The following CPSF6 variants were observed in gnomAD, a reference collection of about 807,000 sequenced individuals.
CPSF6 encodes the protein cleavage and polyadenylation specificity factor subunit 6.
A neutral mutation model predicts 56.7 loss-of-function variants in CPSF6; 10 were observed. The observed-to-expected ratio is 0.18, with a 90% CI of 0.11 to 0.30. The LOEUF (loss-of-function observed/expected upper bound fraction) is 0.30. Ranked by LOEUF, CPSF6 falls within the 10% of genes least tolerant of loss-of-function variation. The probability of loss-of-function intolerance (pLI) is 1.00; values close to 1 mark genes in which losing one functional copy is unlikely to be tolerated. For missense variants in CPSF6, 419 were observed against 722.9 expected, an observed-to-expected ratio of 0.58 and a Z score of 4.82; for synonymous variants, 248 against 244.8, an observed-to-expected ratio of 1.01 and a Z score of -0.12.
chr12:69,256,882 T>A, intron 4 of CPSF6, 40 bp downstream of exon 4: 1 of 1,535,908 alleles, frequency 6.5e-7, no homozygotes, highest in East Asian at 2.3e-5. Context: ...ATATGTACAT[T>A]TTAACCAGTG....
chr12:69,259,295 C>A, intron 6 of CPSF6, 133 bp from the exon 7 acceptor site: 1 of 1,295,486 alleles, frequency 7.7e-7, no homozygotes, highest in Non-Finnish European at 1.0e-6. Flanking sequence ...AAGTAGCATG[C>A]TTCAATATGG....
intron 9 of CPSF6, among the ~76,000 whole-genome samples, chr12:69,266,064 C>G (rs78249537): frequency 1.4e-5 from 2 of 146,378 alleles, no homozygotes; most frequent in South Asian, 4.4e-4. Flanking sequence ...AAAAAAAATT[C>G]TTACATGTTA....
rs1474633428 is a variant in CPSF6 at position 69,272,152 on chromosome 12, T to C, written c.*2644T>C. 1.2e-5 allele frequency: 1 copy of C among 86,314 alleles called. No homozygotes were observed. Among genetic ancestry groups the C allele is most frequent in the East Asian group, 4.2e-4 (1 of 2,408 alleles). 5.3% of individuals were successfully genotyped at this position (86,314 alleles called of 1,614,324 possible). A position where few individuals can be genotyped will look rare whatever the true frequency, so the allele number is the denominator to read the frequency against. On this transcript the variant is annotated 3_prime_UTR_variant, in exon 10 of 10. Transcript: ENST00000435070. ...ATATTCCAGTGTAAATTTGCAGATGTGTGTTTTTTTTTTTTGTCACTTTTC... is the reference window on the plus strand; with the variant it reads ...ATATTCCAGTGTAAATTTGCAGATGCGTGTTTTTTTTTTTTGTCACTTTTC...
chr12:69,243,996 G>A (rs559308487), intron 1 of CPSF6, among the ~76,000 whole-genome samples: 9 of 151,942 alleles, frequency 5.9e-5, no homozygotes, highest in Non-Finnish European at 1.2e-4. Flanking sequence ...ACCATGCCTG[G>A]CTAATTTCAA....
At chr12:69,240,485 A>C (rs960121857) in intron 1 of CPSF6, among the ~76,000 whole-genome samples, 1 of 152,146 alleles carries the variant, frequency 6.6e-6, no homozygotes, top group African/African-American at 2.4e-5. Context: ...TGTGATGAAA[A>C]TACCTGTGAA....
At chr12:69,239,851 T>A in intron 1 of CPSF6, 145 bp downstream of exon 1, 1 of 649,064 alleles carries the variant, frequency 1.5e-6, no homozygotes, top group Non-Finnish European at 2.1e-6. Flanking sequence ...ACCCCTGGCG[T>A]GGCGCCCCCC....
intron 2 of CPSF6, among the ~76,000 whole-genome samples, chr12:69,252,476 T>C (rs1872298139): frequency 6.6e-6 from 1 of 152,190 alleles, no homozygotes; most frequent in Non-Finnish European, 1.5e-5. Context: ...GTATGGTTGC[T>C]AAGTAAGTAT....
At chr12:69,267,032 G>T (rs1399640181) in intron 9 of CPSF6, among the ~76,000 whole-genome samples, 1 of 151,886 alleles carries the variant, frequency 6.6e-6, no homozygotes, top group Non-Finnish European at 1.5e-5. Context: ...TATTTCTCTT[G>T]CCCACCTCAT....
intron 6 of CPSF6, 68 bp downstream of exon 6, chr12:69,259,162 ATTGTAG>A (rs573268641): frequency 1.2e-4 from 177 of 1,469,934 alleles, no homozygotes; most frequent in Middle Eastern, 3.6e-4. Context: ...TAAATATTAG[ATTGTAG>A]GTATATAAAT....
chr12:69,247,336 T>C lies in CPSF6; in HGVS notation c.61-3793T>C, dbSNP rs530246550. Among the ~76,000 whole-genome samples, 515 of 152,174 alleles carry C rather than the reference T, an allele frequency of 3.4e-3. 1 individual carries two copies. The highest frequency in any genetic ancestry group is 0.012 in the African/African-American group (486 of 41,530). Reference sequence around the variant, plus strand: ...CTTGTCTAAAGAATGATTGTAGTGATTTAGAATGGTAGGGAATGAAAAAAA... The same window carrying C: ...CTTGTCTAAAGAATGATTGTAGTGACTTAGAATGGTAGGGAATGAAAAAAA... On this transcript the variant is annotated intron_variant, in intron 1 of 9. Transcript: ENST00000435070.
rs1011955914 is a variant in CPSF6, at chr12:69,258,275, T to C, written c.695-315T>C. ...TTCACTTTCTAGCTTGGCATCAGAG[T>C]AGAATATAAGGTGGGTGATTTCACT... is the stretch of plus-strand genomic sequence containing the variant. On this transcript the variant is annotated intron_variant, in intron 5 of 9. Coordinates refer to ENST00000435070, the MANE Select transcript of CPSF6 (RefSeq NM_007007.3). This position sits in a 1 kb window ranked among gnomAD's most constrained non-coding sequence, Gnocchi z 4.2. The C allele has an allele frequency of 1.5e-6, 1 of 657,570 alleles. No individual in the cohort carries two copies. The highest frequency in any genetic ancestry group is 1.8e-5 in the African/African-American group (1 of 54,986). 40.7% of individuals were successfully genotyped at this position (657,570 alleles called of 1,614,324 possible). A position where few individuals can be genotyped will look rare whatever the true frequency, so the allele number is the denominator to read the frequency against.
At chr12:69,249,271 A>T (rs1241593873) in intron 1 of CPSF6, among the ~76,000 whole-genome samples, 6 of 149,426 alleles carry the variant, frequency 4.0e-5, no homozygotes, top group African/African-American at 1.5e-4. Flanking sequence ...ACTCCGTCTC[A>T]AAAAAATAAA....
chr12:69,256,931 C>A, intron 4 of CPSF6, 89 bp downstream of exon 4: 1 of 1,069,742 alleles, frequency 9.3e-7, no homozygotes, highest in Non-Finnish European at 1.4e-6. Flanking sequence ...CATCTTAATA[C>A]TAGCTCACTA....
At position 69,271,462 on chromosome 12, in the gene CPSF6, C is replaced by CA. The variant is rs777908101; in HGVS notation, c.*1959dup. 2 of 151,660 alleles carry CA rather than the reference C, an allele frequency of 1.3e-5. No homozygotes were observed. Among genetic ancestry groups the CA allele is most frequent in the Admixed American group, 6.6e-5 (1 of 15,202 alleles). The allele number at this position is 151,660 out of a possible 1,614,324, so 9.4% of individuals were successfully genotyped here. On this transcript the variant is annotated 3_prime_UTR_variant, in exon 10 of 10. Transcript: ENST00000435070. The stretch of plus-strand genomic sequence containing the variant: ...TTTGAACAGTTTAAAAATGGAATCA[C>CA]AAAAATCTAACTGCACTTGAAATGA...
chr12:69,267,998 T>G (rs1487187711), intron 9 of CPSF6, among the ~76,000 whole-genome samples: 2 of 151,820 alleles, frequency 1.3e-5, no homozygotes, highest in Non-Finnish European at 3.0e-5. Context: ...TTTTTCCCTC[T>G]TAATGACTTT....
intron 9 of CPSF6, among the ~76,000 whole-genome samples, chr12:69,263,741 C>T (rs545826662): frequency 6.6e-6 from 1 of 151,922 alleles, no homozygotes; most frequent in African/African-American, 2.4e-5. Context: ...ATAACAGATA[C>T]GCAAATGAAG....
At chr12:69,259,303 T>C (rs1465358399) in intron 6 of CPSF6, 125 bp from the exon 7 acceptor site, 1 of 1,330,190 alleles carries the variant, frequency 7.5e-7, no homozygotes, top group Non-Finnish European at 1.0e-6. Flanking sequence ...TGCTTCAATA[T>C]GGAAAAGTAA....
intron 2 of CPSF6, 111 bp downstream of exon 2, chr12:69,251,449 ATAT>A (rs539174741): frequency 9.7e-6 from 7 of 719,246 alleles, no homozygotes; most frequent in Non-Finnish European, 1.6e-5. Context: ...GTGTTTTTCT[ATAT>A]GTGTTTGCTT....
At position 69,253,142 on chromosome 12, in the gene CPSF6, G is replaced by T; in HGVS notation, c.362G>T (p.Gly121Val). The change falls in exon 3 of 10, where the codon GGC (glycine) becomes GTC (valine). Residue 121 changes from glycine (G) to valine (V), a missense_variant. Coordinates refer to ENST00000435070, the MANE Select transcript of CPSF6 (RefSeq NM_007007.3). ...AAATTTTTTGAAAATCGGGCAAATGGCCAGTCAAAGGGGTAAGTTTTTTTT... is the reference window on the plus strand; with the variant it reads ...AAATTTTTTGAAAATCGGGCAAATGTCCAGTCAAAGGGGTAAGTTTTTTTT... ...EIKFFENRAN[G>V]QSKGFALVGV... 6.4e-7 allele frequency: 1 copy of T among 1,562,350 alleles called. No homozygotes were observed. The highest frequency in any genetic ancestry group is 8.8e-7 in the Non-Finnish European group (1 of 1,141,690).
Sources: allele counts gnomAD v4.1 joint callset (sites outside exome capture counted in the v4.1 genomes callset), GRCh38; gene constraint gnomAD v4.1.1; non-coding constraint Gnocchi (gnomAD v3.1); transcripts MANE v1.5; gene names NCBI Gene and HGNC (gene_info 2026-07-23, HGNC 2026-07-21).